The following HNRNPH1 variants were observed in gnomAD, a reference collection of about 807,000 sequenced individuals.
The protein encoded by HNRNPH1 is heterogeneous nuclear ribonucleoprotein H1.
A neutral mutation model predicts 58.6 loss-of-function variants in HNRNPH1; 4 were observed. That is an observed-to-expected ratio of 0.07 (90% CI 0.03 to 0.16). The LOEUF (loss-of-function observed/expected upper bound fraction) is 0.16, where lower values mean the gene tolerates loss of function less well. HNRNPH1 is among the 10% of genes least tolerant of loss of function. HNRNPH1 has a pLI of 1.00. For synonymous variants in HNRNPH1, 192 were observed against 189.2 expected, an observed-to-expected ratio of 1.01 and a Z score of -0.12; for missense variants, 271 against 564.2, an observed-to-expected ratio of 0.48 and a Z score of 5.26.
At chr5:179,632,362 G>T (rs1025616698) in intron 2 of HNRNPH1, among the ~76,000 whole-genome samples, 1 of 152,208 alleles carries the variant, frequency 6.6e-6, no homozygotes, top group African/African-American at 2.4e-5. Context: ...CCGGGTATGG[G>T]GTAGCACCCC....
exon 1 of HNRNPH1, chr5:179,624,218 C>T: frequency 3.1e-6 from 1 of 322,798 alleles, no homozygotes; most frequent in Admixed American, 5.0e-5. Flanking sequence ...GATTGTCGAA[C>T]GTCCTGGGAG....
intron 2 of HNRNPH1, among the ~76,000 whole-genome samples, chr5:179,629,839 A>G (rs1365313894): frequency 6.6e-6 from 1 of 151,886 alleles, no homozygotes; most frequent in East Asian, 1.9e-4. Flanking sequence ...CCTGGCCAAC[A>G]TGGTGAAACC....
At chr5:179,619,168 A>AG in intron 4 of HNRNPH1, 101 bp downstream of exon 5, 1 of 1,026,084 alleles carries the variant, frequency 9.7e-7, no homozygotes, top group Non-Finnish European at 1.4e-6. Context: ...TCAATTACCT[A>AG]GGACTACAAA....
exon 1 of HNRNPH1, chr5:179,624,566 G>A (rs986011886): frequency 7.5e-6 from 3 of 398,636 alleles, no homozygotes; most frequent in Non-Finnish European, 1.3e-5. Flanking sequence ...TGGTAAGAGT[G>A]CGTCCATTCA....
At chr5:179,619,531 A>T in intron 3 of HNRNPH1, 124 bp from the exon 5 acceptor site, 1 of 754,008 alleles carries the variant, frequency 1.3e-6, no homozygotes, top group Non-Finnish European at 2.2e-6. Context: ...GTATGCTTTC[A>T]ACAAGTACTC....
chr5:179,627,503 A>ATGAT (rs71001016), upstream of HNRNPH1, among the ~76,000 whole-genome samples: 133,041 of 150,954 alleles, frequency 0.88, 58,777 homozygotes, highest in East Asian at 0.98. Context: ...GCCCTGATTT[A>ATGAT]TGCCTTTTTT....
At chr5:179,624,364 C>T (rs1386517939) in exon 1 of HNRNPH1, 1 of 396,352 alleles carries the variant, frequency 2.5e-6, no homozygotes, top group Admixed American at 4.4e-5. Flanking sequence ...GTTTCCGTGC[C>T]TGTGGCTCGC....
chr5:179,614,712 T>C, exon 13 of HNRNPH1: 1 of 591,574 alleles, frequency 1.7e-6, no homozygotes, highest in East Asian at 2.9e-5. Flanking sequence ...ATAACAATCC[T>C]GATTTCCACT....
At chr5:179,625,154 C>T (rs538568784), upstream of HNRNPH1, among the ~76,000 whole-genome samples, 1 of 152,250 alleles carries the variant, frequency 6.6e-6, no homozygotes, top group South Asian at 2.1e-4. Flanking sequence ...GAACTAGAAG[C>T]ACACACCTGT....
intron 1 of HNRNPH1, 104 bp downstream of exon 2, chr5:179,622,933 G>GCTCGC (rs1773337505): frequency 8.6e-6 from 1 of 116,198 alleles, no homozygotes; most frequent in Admixed American, 8.3e-5. Context: ...ACCCGGCCCG[G>GCTCGC]CCCGGCCCGG....
At position 179,614,787 on chromosome 5, in the gene HNRNPH1, A is replaced by G. The variant is rs957124351; in HGVS notation, c.*173T>C. 2.5e-3 allele frequency: 559 copies of G among 221,326 alleles called. 2 individuals carry two copies. Among genetic ancestry groups the G allele is most frequent in the African/African-American group, 0.017 (402 of 23,528 alleles). 13.7% of individuals were successfully genotyped at this position (221,326 alleles called of 1,614,324 possible). A position where few individuals can be genotyped will look rare whatever the true frequency, so the allele number is the denominator to read the frequency against. On this transcript the variant is annotated 3_prime_UTR_variant, in exon 13 of 13. Transcript: ENST00000356731. Reference sequence around the variant, plus strand: ...GTTAAACTGAAGTTTTCTTAAAGAAAAAAAAAAAAAAAAAAAAAAGGTTGA... The same window carrying G: ...GTTAAACTGAAGTTTTCTTAAAGAAGAAAAAAAAAAAAAAAAAAAGGTTGA...
At chr5:179,621,506 A>G in intron 1 of HNRNPH1, 109 bp from the exon 3 acceptor site, 1 of 899,574 alleles carries the variant, frequency 1.1e-6, no homozygotes, top group Middle Eastern at 3.5e-4. Flanking sequence ...ATAACTTGTG[A>G]AGCCTATATA....
intron 2 of HNRNPH1, among the ~76,000 whole-genome samples, chr5:179,632,830 C>A (rs1774961035): frequency 1.6e-5 from 2 of 126,644 alleles, no homozygotes; most frequent in Non-Finnish European, 3.2e-5. Context: ...GGTGGGATTA[C>A]AGCCCCACCA....
Position 179,619,265 on chromosome 5 carries a change from C to CCA in HNRNPH1, c.536+2_536+3dup. The CCA allele has an allele frequency of 6.2e-7, 1 of 1,605,732 alleles. No individual in the cohort carries two copies. Among genetic ancestry groups the CCA allele is most frequent in the Non-Finnish European group, 8.5e-7 (1 of 1,175,996 alleles). On this transcript the variant is annotated splice_donor_region_variant and intron_variant, in intron 4 of 12. Coordinates refer to ENST00000356731, the Ensembl canonical transcript of HNRNPH1. ...GACATATCCAACCAACCATCCATCC[C>CCA]CACCTGTGCCCTATTCTTTCCTTGT... is the stretch of plus-strand genomic sequence containing the variant.
chr5:179,614,794 A>G, exon 13 of HNRNPH1: 1 of 933,966 alleles, frequency 1.1e-6, no homozygotes, highest in Non-Finnish European at 1.6e-6. Flanking sequence ...GAAAAAAAAA[A>G]AAAAAAAAAA....
intron 10 of HNRNPH1, chr5:179,616,435 A>T: frequency 1.7e-6 from 1 of 571,866 alleles, no homozygotes; most frequent in Admixed American, 3.1e-5. Context: ...CGGTACACAC[A>T]TCAGCAGGAC....
intron 1 of HNRNPH1, 104 bp from the exon 3 acceptor site, chr5:179,621,501 T>C (rs1041277961): frequency 2.1e-6 from 2 of 963,642 alleles, no homozygotes; most frequent in Admixed American, 4.7e-5. Context: ...ATTACATAAC[T>C]TGTGAAGCCT....
intron 4 of HNRNPH1, 124 bp from the exon 6 acceptor site, chr5:179,618,447 G>A: frequency 3.3e-6 from 2 of 599,782 alleles, no homozygotes; most frequent in South Asian, 2.8e-5. Context: ...AATATTTAAA[G>A]CCAGATTTCT....
intron 3 of HNRNPH1, chr5:179,620,077 G>A (rs1044469544): frequency 1.3e-5 from 2 of 152,154 alleles, no homozygotes; most frequent in African/African-American, 4.8e-5. Context: ...AACGTTGACA[G>A]CATTCAATTC....
Sources: allele counts gnomAD v4.1 joint callset (sites outside exome capture counted in the v4.1 genomes callset), GRCh38; gene constraint gnomAD v4.1.1; transcripts MANE v1.5; gene names NCBI Gene and HGNC (gene_info 2026-07-23, HGNC 2026-07-21).